Variants in ROBO1 observed in about 807,000 individuals in gnomAD.
ROBO1 encodes roundabout homolog 1.
In ROBO1, 149 loss-of-function variants were observed where a neutral mutation model predicts 195.9. The ratio of observed to expected loss-of-function variants is 0.76; its 90% CI spans 0.67 to 0.87. The LOEUF (loss-of-function observed/expected upper bound fraction) is 0.87. Among genes scored for constraint, ROBO1 ranks in the 40% least tolerant of loss-of-function variants. ROBO1 has a pLI of 0.00. For synonymous variants in ROBO1, 816 were observed against 733.2 expected (o/e 1.11, Z -1.82); for missense variants, 1,933 against 2,068.3 (o/e 0.93, Z 1.27).
intron 10 of ROBO1, among the ~76,000 whole-genome samples, chr3:78,678,297 T>C (rs1224285072): frequency 1.3e-5 from 2 of 150,974 alleles, no homozygotes; most frequent in Admixed American, 6.6e-5. Context: ...ATTCAAAAGC[T>C]AGCAGAAGGC....
chr3:79,213,703 AT>A (rs150075066), intron 2 of ROBO1, among the ~76,000 whole-genome samples: 2,956 of 152,042 alleles, frequency 0.019, 84 homozygotes, highest in African/African-American at 0.064. Context: ...TTCTGTAACA[AT>A]TAGCATCTTA....
At chr3:79,713,964 G>C (rs1702377214) in intron 1 of ROBO1, among the ~76,000 whole-genome samples, 1 of 151,986 alleles carries the variant, frequency 6.6e-6, no homozygotes, top group South Asian at 2.1e-4. Context: ...TCTCTGTTTT[G>C]TTACCAGTAC....
At chr3:78,804,970 T>C (rs1368933308) in intron 4 of ROBO1, among the ~76,000 whole-genome samples, 1 of 152,112 alleles carries the variant, frequency 6.6e-6, no homozygotes, top group Non-Finnish European at 1.5e-5. Context: ...TCTCCCTTGG[T>C]CACAAGAGTT....
chr3:79,755,674 A>C lies in ROBO1; in HGVS notation c.-51+12078T>G, dbSNP rs187793772. 8.3e-4 allele frequency among the ~76,000 whole-genome samples: 126 copies of C among 151,492 alleles called. 1 individual carries two copies. Among genetic ancestry groups the C allele is most frequent in the African/African-American group, 2.8e-3 (116 of 41,376 alleles). On this transcript the variant is annotated intron_variant, in intron 1 of 30. Coordinates refer to ENST00000464233, the MANE Select transcript of ROBO1 (RefSeq NM_002941.4). ...ATCATTATAATAAGAAGAAAAAAAA[A>C]CAAGAGGATGTGACTGTGGCTTATT...
chr3:79,064,743 A>G (rs1161194232), intron 3 of ROBO1, among the ~76,000 whole-genome samples: 3 of 151,868 alleles, frequency 2.0e-5, no homozygotes, highest in South Asian at 2.1e-4. Context: ...TGAATAACCC[A>G]AATTTTTGAC....
intron 2 of ROBO1, among the ~76,000 whole-genome samples, chr3:79,209,594 G>T (rs2081935318): frequency 6.6e-6 from 1 of 152,062 alleles, no homozygotes; most frequent in Admixed American, 6.6e-5. Context: ...TTTCCATAGT[G>T]GTTGTACTAG....
At chr3:79,665,598 G>A (rs574593812) in intron 1 of ROBO1, among the ~76,000 whole-genome samples, 1 of 151,928 alleles carries the variant, frequency 6.6e-6, no homozygotes, top group African/African-American at 2.4e-5. Context: ...ATTTGAGTCT[G>A]TAAAATATGA....
chr3:79,034,880 G>A (rs1431111440), intron 3 of ROBO1, among the ~76,000 whole-genome samples: 2 of 152,002 alleles, frequency 1.3e-5, no homozygotes, highest in African/African-American at 4.8e-5. Flanking sequence ...TAATATATAT[G>A]TCCTAGAATA....
rs187792773 is a variant in ROBO1, at chr3:78,787,889, T to C, written c.500-40989A>G. 2.9e-4 allele frequency among the ~76,000 whole-genome samples: 43 copies of C among 148,904 alleles called. No individual in the cohort carries two copies. The East Asian group carries it at 8.8e-3, about 30-fold the overall frequency. On this transcript the variant is annotated intron_variant, in intron 4 of 30. Transcript: ENST00000464233. ...GCTGCAGTGAGCTATGATCACACCA[T>C]TGCATTTGAGCCTGGCCACAGAGTT...
At chr3:79,691,553 G>C (rs1158170147) in intron 1 of ROBO1, among the ~76,000 whole-genome samples, 1 of 151,552 alleles carries the variant, frequency 6.6e-6, no homozygotes, top group Admixed American at 6.6e-5. Flanking sequence ...GTCAAGGAAG[G>C]GAAATTAGTT....
At chr3:78,636,933 TTTTA>T (rs1349611962) in intron 22 of ROBO1, among the ~76,000 whole-genome samples, 2 of 54,040 alleles carry the variant, frequency 3.7e-5, no homozygotes, top group Non-Finnish European at 7.0e-5. Flanking sequence ...TATACATTCA[TTTTA>T]TATATATATA....
intron 2 of ROBO1, among the ~76,000 whole-genome samples, chr3:79,339,122 C>T (rs2034803776): frequency 6.6e-6 from 1 of 152,168 alleles, no homozygotes; most frequent in Admixed American, 6.5e-5. Flanking sequence ...TTTCTATTGC[C>T]AGCCCCCAGA....
intron 4 of ROBO1, among the ~76,000 whole-genome samples, chr3:78,822,844 C>T (rs2108687138): frequency 6.6e-6 from 1 of 152,288 alleles, no homozygotes; most frequent in Admixed American, 6.5e-5. Flanking sequence ...TTTATTCATG[C>T]ACAATAGTGC....
chr3:79,494,517 G>T (rs1218813862), intron 2 of ROBO1, among the ~76,000 whole-genome samples: 1 of 152,238 alleles, frequency 6.6e-6, no homozygotes, highest in East Asian at 1.9e-4. Context: ...AGGATGAAAA[G>T]TGAACTACAG....
chr3:78,756,586 A>T (rs909317572), intron 4 of ROBO1, among the ~76,000 whole-genome samples: 1 of 152,194 alleles, frequency 6.6e-6, no homozygotes, highest in Admixed American at 6.5e-5. Flanking sequence ...AAGATAAACA[A>T]GACAAAGTCT....
chr3:79,743,155 T>A (rs1028778215), intron 1 of ROBO1, among the ~76,000 whole-genome samples: 19 of 152,306 alleles, frequency 1.2e-4, no homozygotes, highest in African/African-American at 4.3e-4. Context: ...CCTTAGGCAA[T>A]TTTGTTGTGC....
At chr3:79,094,314 T>C (rs940126554) in intron 3 of ROBO1, among the ~76,000 whole-genome samples, 3 of 152,112 alleles carry the variant, frequency 2.0e-5, no homozygotes, top group African/African-American at 4.8e-5. Flanking sequence ...GATAGAAGAA[T>C]GTCTAATGAA....
intron 4 of ROBO1, among the ~76,000 whole-genome samples, chr3:78,805,556 T>C (rs895214142): frequency 1.6e-4 from 25 of 152,126 alleles, no homozygotes; most frequent in African/African-American, 6.0e-4. Context: ...TAAATAGGGT[T>C]TAGAGTTTGA....
At chr3:78,964,207 G>A (rs183153657) in intron 3 of ROBO1, among the ~76,000 whole-genome samples, 32 of 152,234 alleles carry the variant, frequency 2.1e-4, no homozygotes, top group Non-Finnish European at 4.0e-4. Flanking sequence ...TATTGGATTA[G>A]GGCCCACCCT....
Sources: gnomAD v4.1 joint callset for allele counts (sites outside exome capture counted in the v4.1 genomes callset) on GRCh38, gnomAD v4.1.1 for gene constraint, MANE v1.5 for transcripts, NCBI Gene and HGNC (gene_info 2026-07-23, HGNC 2026-07-21) for gene names.